The following CCNY variants were observed in gnomAD, a reference collection of about 807,000 sequenced individuals.
CCNY encodes cyclin-Y.
A neutral mutation model predicts 42.8 loss-of-function variants in CCNY; 19 were observed. That is an observed-to-expected ratio of 0.44 (90% CI 0.31 to 0.65). The LOEUF is 0.65. Ranked by LOEUF, CCNY falls within the 30% of genes least tolerant of loss-of-function variation. The pLI, the probability that CCNY is intolerant of heterozygous loss-of-function variation, is 0.07. For synonymous variants in CCNY, 165 were observed against 162.7 expected, an observed-to-expected ratio of 1.01 and a Z score of -0.11; for missense variants, 370 against 437.3, an observed-to-expected ratio of 0.85 and a Z score of 1.37.
At chr10:35,335,856 G>GAC (rs113808457), upstream of CCNY, 575 of 146,038 alleles carry the variant, frequency 3.9e-3, 4 homozygotes, top group Middle Eastern at 7.0e-3. Flanking sequence ...CTACTTTGGA[G>GAC]ACACACACAC....
chr10:35,301,060 G>A (rs922182051), intron 3 of CCNY, among the ~76,000 whole-genome samples: 9 of 152,028 alleles, frequency 5.9e-5, no homozygotes, highest in African/African-American at 1.7e-4. Flanking sequence ...CGCCCGCTTC[G>A]GCCTCCTAAA....
intron 1 of CCNY, among the ~76,000 whole-genome samples, chr10:35,355,729 A>C (rs1836534966): frequency 6.7e-6 from 1 of 150,158 alleles, no homozygotes; most frequent in South Asian, 2.1e-4. Context: ...TGGAAAAGCA[A>C]GGTTTTCTAT....
At chr10:35,446,312 T>A (rs944116588) in intron 1 of CCNY, among the ~76,000 whole-genome samples, 2 of 152,252 alleles carry the variant, frequency 1.3e-5, no homozygotes, top group Admixed American at 1.3e-4. Flanking sequence ...TTCAAAAATC[T>A]CTTCAAAATA....
chr10:35,362,965 T>G (rs1164206549), intron 1 of CCNY, among the ~76,000 whole-genome samples: 1 of 151,356 alleles, frequency 6.6e-6, no homozygotes, highest in African/African-American at 2.4e-5. Flanking sequence ...ACAGAGGCGC[T>G]CCTCACTTCC....
At chr10:35,496,220 G>GT (rs1840000201) in intron 2 of CCNY, among the ~76,000 whole-genome samples, 2 of 152,168 alleles carry the variant, frequency 1.3e-5, no homozygotes, top group African/African-American at 4.8e-5. Context: ...AATTTTCTTT[G>GT]TAGAATAGCA....
intron 2 of CCNY, among the ~76,000 whole-genome samples, chr10:35,492,998 G>T (rs185315722): frequency 1.2e-4 from 19 of 152,066 alleles, no homozygotes; most frequent in East Asian, 3.9e-4. Context: ...GTGCATGGGG[G>T]GGGGAGGGCA....
At chr10:35,343,501 T>A (rs1319526209) in intron 1 of CCNY, among the ~76,000 whole-genome samples, 1 of 143,654 alleles carries the variant, frequency 7.0e-6, no homozygotes, top group Non-Finnish European at 1.5e-5. Flanking sequence ...GCAATTCCCC[T>A]GCCTCAGCCT....
intron 1 of CCNY, among the ~76,000 whole-genome samples, chr10:35,399,219 T>TTGGATG (rs1268835446): frequency 1.3e-5 from 2 of 152,182 alleles, no homozygotes; most frequent in Non-Finnish European, 2.9e-5. Flanking sequence ...GGGTGGCATT[T>TTGGATG]TGGATGTTCC....
At chr10:35,337,370 T>C (rs1440472406) in intron 1 of CCNY, among the ~76,000 whole-genome samples, 163 bp downstream of exon 1, 1 of 152,106 alleles carries the variant, frequency 6.6e-6, no homozygotes, top group African/African-American at 2.4e-5. Context: ...CCGCAGCCTC[T>C]GGGCGTACCC....
intron 1 of CCNY, among the ~76,000 whole-genome samples, chr10:35,353,267 A>G (rs988333920): frequency 6.6e-6 from 1 of 152,100 alleles, no homozygotes; most frequent in Non-Finnish European, 1.5e-5. Context: ...GTTTAGTTGA[A>G]CTTGTTCGTA....
At chr10:35,475,567 C>A (rs10827507) in intron 1 of CCNY, among the ~76,000 whole-genome samples, 57,468 of 146,872 alleles carry the variant, frequency 0.39, 12,161 homozygotes, top group African/African-American at 0.56. Flanking sequence ...GAAATAAAAT[C>A]CTTTACAGAC....
At chr10:35,306,184 G>A (rs764204260) in intron 3 of CCNY, among the ~76,000 whole-genome samples, 3 of 152,056 alleles carry the variant, frequency 2.0e-5, no homozygotes, top group African/African-American at 7.2e-5. Context: ...ACAGGCACAC[G>A]CCACTACACC....
Position 35,416,485 on chromosome 10 carries a change from A to C in CCNY, c.155-66919A>C, listed in dbSNP as rs578029430. On this transcript the variant is annotated intron_variant, in intron 1 of 9. Coordinates refer to ENST00000374704, the MANE Select transcript of CCNY (RefSeq NM_145012.6). ...TCCTTTTGATTGGGGAGAAATTAGA[A>C]TCTAATTTTGGAAAGGGGCATAAAA... is the stretch of plus-strand genomic sequence containing the variant. 3.9e-5 allele frequency among the ~76,000 whole-genome samples: 6 copies of C among 152,278 alleles called. No homozygotes were observed. In the East Asian group the frequency reaches 7.7e-4, roughly 20 times the overall value.
At chr10:35,309,465 C>A (rs112176773) in intron 3 of CCNY, among the ~76,000 whole-genome samples, 7 of 152,130 alleles carry the variant, frequency 4.6e-5, no homozygotes, top group Admixed American at 4.6e-4. Flanking sequence ...GGGTGTCACC[C>A]GGGCTGAAGT....
chr10:35,491,800 A>T (rs1366282038), intron 2 of CCNY, among the ~76,000 whole-genome samples: 2 of 151,948 alleles, frequency 1.3e-5, no homozygotes, highest in Non-Finnish European at 2.9e-5. Flanking sequence ...TTTTTAGTAG[A>T]GATGGGGTTT....
At chr10:35,478,882 C>A (rs545057499) in intron 1 of CCNY, among the ~76,000 whole-genome samples, 4 of 152,164 alleles carry the variant, frequency 2.6e-5, no homozygotes, top group Non-Finnish European at 5.9e-5. Context: ...GGCTAATATC[C>A]AGAATCTACA....
At chr10:35,517,165 G>A (rs1840447186) in intron 4 of CCNY, among the ~76,000 whole-genome samples, 1 of 152,144 alleles carries the variant, frequency 6.6e-6, no homozygotes, top group African/African-American at 2.4e-5. Flanking sequence ...GATCCTTTCT[G>A]TGGGGCCTTT....
intron 1 of CCNY, among the ~76,000 whole-genome samples, chr10:35,396,290 C>T (rs1837524126): frequency 6.6e-6 from 1 of 152,218 alleles, no homozygotes; most frequent in East Asian, 1.9e-4. Context: ...CTCAACAGGT[C>T]ATTTCATTCT....
intron 1 of CCNY, among the ~76,000 whole-genome samples, chr10:35,437,208 A>G (rs889646801): frequency 2.0e-5 from 3 of 152,182 alleles, no homozygotes; most frequent in African/African-American, 7.2e-5. Flanking sequence ...CACAGAGCCA[A>G]ATCATATCAG....
Sources: gnomAD v4.1 joint callset for allele counts (sites outside exome capture counted in the v4.1 genomes callset) on GRCh38, gnomAD v4.1.1 for gene constraint, MANE v1.5 for transcripts, NCBI Gene and HGNC (gene_info 2026-07-23, HGNC 2026-07-21) for gene names.